NBAS: variants seen among roughly 807,000 people sequenced by gnomAD.
NBAS encodes the protein NAG/BC035112 fusion.
NBAS carries 219 observed loss-of-function variants against 302.5 expected under a neutral mutation model. The observed-to-expected ratio is 0.72, with a 90% confidence interval of 0.65 to 0.81. NBAS has a LOEUF of 0.81. NBAS is among the 30% of genes least tolerant of loss of function. NBAS has a pLI of 0.00. For synonymous variants in NBAS, 1,118 were observed against 1,021.6 expected (o/e 1.09, Z -1.80); for missense variants, 2,932 against 2,841.6 (o/e 1.03, Z -0.72).
At chr2:14,832,312 TTTTG>T in the NBAS span, among the ~76,000 whole-genome samples, 1 of 152,180 alleles carries the variant, frequency 6.6e-6, no homozygotes, top group African/African-American at 2.4e-5. Context: ...TACAAGTGTT[TTTTG>T]TTTGTTTGTT....
intron 13 of NBAS, 31 bp from the exon 14 acceptor site, chr2:15,475,911 G>A: frequency 6.6e-7 from 1 of 1,515,642 alleles, no homozygotes; most frequent in Admixed American, 1.7e-5. Context: ...CAATACAAAT[G>A]CATCTGCTAA....
chr2:15,248,973 C>T (rs1165720802), intron 44 of NBAS, among the ~76,000 whole-genome samples: 2 of 152,064 alleles, frequency 1.3e-5, no homozygotes, highest in Non-Finnish European at 2.9e-5. Context: ...CAGCATCATC[C>T]TAATACCAAA....
At chr2:15,276,800 C>A in intron 43 of NBAS, 51 bp downstream of exon 43, 2 of 1,612,868 alleles carry the variant, frequency 1.2e-6, no homozygotes, top group East Asian at 4.5e-5. Context: ...AAAATTAATC[C>A]CCAGATTTAA....
At chr2:15,116,569 C>A in the NBAS span, among the ~76,000 whole-genome samples, 1 of 152,182 alleles carries the variant, frequency 6.6e-6, no homozygotes, top group Admixed American at 6.5e-5. Flanking sequence ...TACTGGGAGG[C>A]AGGGCCTCAA....
the NBAS span, among the ~76,000 whole-genome samples, chr2:15,037,998 C>A: frequency 2.6e-5 from 4 of 151,524 alleles, no homozygotes; most frequent in Admixed American, 2.0e-4. Flanking sequence ...GGATACACTT[C>A]ACAAAATACA....
At chr2:15,440,317 G>A (rs1382266876) in intron 21 of NBAS, among the ~76,000 whole-genome samples, 1 of 152,210 alleles carries the variant, frequency 6.6e-6, no homozygotes, top group South Asian at 2.1e-4. Context: ...AAAACTTCCA[G>A]AGGAATGATC....
chr2:15,518,912 AG>A (rs759766828), intron 9 of NBAS, among the ~76,000 whole-genome samples: 96 of 152,250 alleles, frequency 6.3e-4, no homozygotes, highest in Non-Finnish European at 9.3e-4. Flanking sequence ...TATCATGAGA[AG>A]AACATGGGAA....
At chr2:15,365,942 G>A (rs1453981188) in intron 32 of NBAS, among the ~76,000 whole-genome samples, 1 of 151,976 alleles carries the variant, frequency 6.6e-6, no homozygotes, top group Non-Finnish European at 1.5e-5. Context: ...ATGAAATGTA[G>A]AGTCAAAAAG....
chr2:15,291,393 C>A (rs1169679812), intron 41 of NBAS, among the ~76,000 whole-genome samples: 2 of 152,240 alleles, frequency 1.3e-5, no homozygotes. Flanking sequence ...GCACTTTGCA[C>A]AGTGCCTTGC....
chr2:15,151,027 G>A, the NBAS span, among the ~76,000 whole-genome samples: 13 of 152,240 alleles, frequency 8.5e-5, no homozygotes, highest in East Asian at 1.9e-4. Context: ...CCCTAATTCC[G>A]TACTTGTCAA....
chr2:15,018,649 A>G, the NBAS span, among the ~76,000 whole-genome samples: 1 of 152,030 alleles, frequency 6.6e-6, no homozygotes, highest in Admixed American at 6.6e-5. Context: ...CTTTATTCAA[A>G]TCCACCTGAC....
the NBAS span, among the ~76,000 whole-genome samples, chr2:14,897,389 A>G: frequency 1.3e-5 from 2 of 152,194 alleles, no homozygotes; most frequent in Non-Finnish European, 2.9e-5. Flanking sequence ...GTTTTTCTCT[A>G]GGTAAAATGT....
the NBAS span, among the ~76,000 whole-genome samples, chr2:14,781,746 C>CCAAAA: frequency 2.6e-4 from 35 of 135,884 alleles, no homozygotes; most frequent in Middle Eastern, 3.6e-3. Flanking sequence ...GCTATTGTGA[C>CCAAAA]AAAAAAAAAA....
the NBAS span, among the ~76,000 whole-genome samples, chr2:15,000,347 TA>T: frequency 2.0e-5 from 3 of 152,170 alleles, no homozygotes; most frequent in East Asian, 5.8e-4. Flanking sequence ...TTTCAATACA[TA>T]AAACCACTCT....
intron 41 of NBAS, among the ~76,000 whole-genome samples, chr2:15,290,126 GAGAGAGAAGAGA>G (rs1023304059): frequency 6.6e-6 from 1 of 151,592 alleles, no homozygotes; most frequent in Non-Finnish European, 1.5e-5. Flanking sequence ...GGGGAGAGAG[GAGAGAGAAGAGA>G]AGAGAAAAGG....
At chr2:15,473,142 T>C in intron 16 of NBAS, 80 bp downstream of exon 16, 1 of 1,484,600 alleles carries the variant, frequency 6.7e-7, no homozygotes, top group Non-Finnish European at 9.3e-7. Flanking sequence ...CAATGTAAAG[T>C]ACTCTAAAAT....
chr2:14,928,132 A>G, the NBAS span, among the ~76,000 whole-genome samples: 1 of 152,178 alleles, frequency 6.6e-6, no homozygotes, highest in Non-Finnish European at 1.5e-5. Context: ...ATATGATGCT[A>G]TTTCAGAAAT....
At chr2:14,864,480 A>T in the NBAS span, among the ~76,000 whole-genome samples, 1 of 152,154 alleles carries the variant, frequency 6.6e-6, no homozygotes, top group Non-Finnish European at 1.5e-5. Context: ...CCATTCTCCC[A>T]TTTCTAATAG....
chr2:14,782,214 C>T, the NBAS span, among the ~76,000 whole-genome samples: 6 of 152,098 alleles, frequency 3.9e-5, no homozygotes, highest in South Asian at 1.2e-3. Flanking sequence ...ATAAAACATG[C>T]ATCTGCTTCC....
Sources: gnomAD v4.1 joint callset for allele counts (sites outside exome capture counted in the v4.1 genomes callset) on GRCh38, gnomAD v4.1.1 for gene constraint, MANE v1.5 for transcripts, NCBI Gene and HGNC (gene_info 2026-07-23, HGNC 2026-07-21) for gene names.